Variants in C10orf105 observed in about 807,000 individuals in gnomAD.
The protein encoded by C10orf105 is uncharacterized protein C10orf105.
Under a neutral mutation model 0.6 loss-of-function variants are expected in C10orf105, and 2 were observed. That is an observed-to-expected ratio of 3.18 (90% CI 1.30 to 10.01). The LOEUF is 10.01. Among genes scored for constraint, C10orf105 ranks in the 30% most tolerant of loss-of-function variants. The pLI is 0.04. For synonymous variants in C10orf105, 95 were observed against 82.4 expected (o/e 1.15, Z -0.83); for missense variants, 209 against 191.4 (o/e 1.09, Z -0.54).
In C10orf105 at chr10:71,716,037, G is replaced by T; in HGVS notation, c.301C>A (p.His101Asn). The stretch of plus-strand genomic sequence containing the variant: ...GTGGGCCGGCCATGGCGGAAGCTGT[G>T]CAGGGAGAGGCGCAAGGAGCCCAGG... ...KRLGSLRLSL[H>N]SFRHGRPTVP... The change falls in exon 2 of 2, where the codon CAC becomes AAC. Residue 101 changes from histidine to asparagine, a missense_variant. His to Asn is a moderately conservative substitution (Grantham distance 68, BLOSUM62 1). Transcript: ENST00000441508. 3 of 1,507,988 alleles carry T rather than the reference G, an allele frequency of 2.0e-6. No homozygotes were observed. The highest frequency in any genetic ancestry group is 1.8e-6 in the Non-Finnish European group (2 of 1,125,958). The allele number at this position is 1,507,988 out of a possible 1,614,324, so 93.4% of individuals were successfully genotyped here.
At chr10:71,727,034 A>G (rs1866844179) in intron 1 of C10orf105, among the ~76,000 whole-genome samples, 2 of 152,208 alleles carry the variant, frequency 1.3e-5, no homozygotes, top group African/African-American at 4.8e-5. Context: ...TCAGCTACTT[A>G]CGTCCTGCCC....
intron 1 of C10orf105, among the ~76,000 whole-genome samples, chr10:71,735,574 G>T (rs1000651671): frequency 2.6e-5 from 4 of 152,186 alleles, no homozygotes; most frequent in Non-Finnish European, 2.9e-5. Context: ...ACCACCTGGG[G>T]CATCAGGCTC....
At position 71,732,574 on chromosome 10, in the gene C10orf105, A is replaced by C. The variant is rs186183707; in HGVS notation, c.-6+5154T>G. ...TTCAGCTCAGGAGTTTGGAGGCTGCAGTGAGCTGCGTTTGCACCACTGCAC... is the reference window on the plus strand; with the variant it reads ...TTCAGCTCAGGAGTTTGGAGGCTGCCGTGAGCTGCGTTTGCACCACTGCAC... On this transcript the variant is annotated intron_variant, in intron 1 of 1. Transcript: ENST00000398786. 736 of 1,318,448 alleles carry C rather than the reference A, an allele frequency of 5.6e-4. 5 individuals carry two copies. The African/African-American group carries it at 8.9e-3, about 16-fold the overall frequency. 81.7% of individuals were successfully genotyped at this position (1,318,448 alleles called of 1,614,324 possible).
intron 1 of C10orf105, among the ~76,000 whole-genome samples, chr10:71,732,900 G>A (rs1240144358): frequency 6.6e-6 from 1 of 152,170 alleles, no homozygotes; most frequent in Non-Finnish European, 1.5e-5. Context: ...TCTACCTGGA[G>A]TTAGCGTCAG....
intron 1 of C10orf105, among the ~76,000 whole-genome samples, chr10:71,718,937 G>C (rs1419716858): frequency 1.3e-5 from 2 of 152,078 alleles, no homozygotes; most frequent in African/African-American, 4.8e-5. Flanking sequence ...AATTAGCCAG[G>C]TGTGGTAGTA....
chr10:71,725,596 G>T, intron 1 of C10orf105: 1 of 1,504,530 alleles, frequency 6.6e-7, no homozygotes, highest in East Asian at 2.4e-5. Context: ...AAGGCCATTA[G>T]TTGGCGCCTG....
In C10orf105 at chr10:71,716,206, G is replaced by A. The variant is rs1368765703; in HGVS notation, c.132C>T (p.Cys44=). 3.9e-6 allele frequency: 6 copies of A among 1,551,180 alleles called. No homozygotes were observed. The South Asian group carries it at 7.1e-5, about 18-fold the overall frequency. The part of the protein sequence containing the change: ...DPLPMLIALA[C]IFLLLATCLL... The stretch of plus-strand genomic sequence containing the variant: ...GACAGGTGGCCAGCAGGAGGAAGAT[G>A]CAGGCCAGGGCGATGAGCATGGGGA... Residue 44 remains cysteine (C), a synonymous_variant, in exon 2 of 2, where the codon TGC becomes TGT. Coordinates refer to ENST00000441508, the MANE Select transcript of C10orf105 (RefSeq NM_001164375.3).
chr10:71,731,206 A>G (rs1195301810), intron 1 of C10orf105, among the ~76,000 whole-genome samples: 1 of 152,188 alleles, frequency 6.6e-6, no homozygotes. Flanking sequence ...CCTGTACCCC[A>G]GTCAGGGATA....
chr10:71,733,043 C>T (rs1839442294), intron 1 of C10orf105, among the ~76,000 whole-genome samples: 1 of 151,918 alleles, frequency 6.6e-6, no homozygotes, highest in South Asian at 2.1e-4. Context: ...ATCACAACCT[C>T]TAGGTTGTTT....
At chr10:71,720,401 C>T (rs1866498682), upstream of C10orf105, among the ~76,000 whole-genome samples, 1 of 149,202 alleles carries the variant, frequency 6.7e-6, no homozygotes, top group South Asian at 2.1e-4. Flanking sequence ...GGGAGACCTC[C>T]ACTGGAGGCT....
In C10orf105 at chr10:71,719,725, C is replaced by G. The variant is rs1288821201; in HGVS notation, c.-104G>C. 2 of 152,362 alleles carry G rather than the reference C, an allele frequency of 1.3e-5. No individual in the cohort carries two copies. The highest frequency in any genetic ancestry group is 3.9e-4 in the East Asian group (2 of 5,194). The allele number at this position is 152,362 out of a possible 1,614,324, so 9.4% of individuals were successfully genotyped here. A position where few individuals can be genotyped will look rare whatever the true frequency, so the allele number is the denominator to read the frequency against. On this transcript the variant is annotated 5_prime_UTR_variant, in exon 1 of 2. Coordinates refer to ENST00000441508, the MANE Select transcript of C10orf105 (RefSeq NM_001164375.3). ...CCCTGGGCAGTGCCTGTGACCCCAG[C>G]CCTGCCAGGCTCTGCTGTGCCCTGC...
intron 1 of C10orf105, among the ~76,000 whole-genome samples, chr10:71,737,513 T>C (rs978850432): frequency 6.6e-6 from 1 of 152,152 alleles, no homozygotes; most frequent in African/African-American, 2.4e-5. Context: ...AAGAATGACA[T>C]GGAATTTCCT....
upstream of C10orf105, among the ~76,000 whole-genome samples, chr10:71,721,941 A>G (rs956138754): frequency 1.3e-5 from 2 of 152,014 alleles, no homozygotes; most frequent in Non-Finnish European, 2.9e-5. Flanking sequence ...GTTCTTCCCA[A>G]CCTTCTCTGC....
intron 1 of C10orf105, chr10:71,732,191 T>G (rs1839413608): frequency 1.2e-6 from 2 of 1,613,946 alleles, no homozygotes; most frequent in Non-Finnish European, 1.7e-6. Flanking sequence ...CTCAACGAGC[T>G]GGACGAGGCC....
rs1389451294 is a variant in C10orf105, at chr10:71,715,057, G to A, written c.*879C>T. The A allele has an allele frequency of 6.6e-6, 1 of 152,294 alleles. No individual in the cohort carries two copies. Among genetic ancestry groups the A allele is most frequent in the East Asian group, 1.9e-4 (1 of 5,198 alleles). The allele number at this position is 152,294 out of a possible 1,614,324, so 9.4% of individuals were successfully genotyped here. ...GACTTGGGACCCCACAGCTGTCCTG[G>A]AGAGGTCCAGACCATCCCACCCTCG... On this transcript the variant is annotated 3_prime_UTR_variant, in exon 2 of 2. Transcript: ENST00000441508.
In C10orf105 at chr10:71,716,142, G is replaced by T; in HGVS notation, c.196C>A (p.Pro66Thr). ...CACTCGTGAGCCCTGCGGCGGCTCGGGTCCAGCGCGGCCGGCTTGCAGAGC... is the reference window on the plus strand; with the variant it reads ...CACTCGTGAGCCCTGCGGCGGCTCGTGTCCAGCGCGGCCGGCTTGCAGAGC... ...MTLCKPAALDPSRRRAHECMP... is the reference protein window; with the variant it reads ...MTLCKPAALDTSRRRAHECMP... The change falls in exon 2 of 2, where the codon CCG (proline) becomes ACG (threonine). Residue 66 changes from proline to threonine, a missense_variant. Coordinates refer to ENST00000441508, the MANE Select transcript of C10orf105 (RefSeq NM_001164375.3). 1 of 1,550,522 alleles carries T rather than the reference G, an allele frequency of 6.4e-7. No homozygotes were observed. The highest frequency in any genetic ancestry group is 8.7e-7 in the Non-Finnish European group (1 of 1,146,702).
In C10orf105 at chr10:71,714,961, G is replaced by A. The variant is rs1258028168; in HGVS notation, c.*975C>T. ...GGGATTCTGAGAAGCCCATCCTGGG[G>A]TGGGACTGCTTTGACGGGTCATCAG... is the stretch of plus-strand genomic sequence containing the variant. On this transcript the variant is annotated 3_prime_UTR_variant, in exon 2 of 2. Coordinates refer to ENST00000441508, the MANE Select transcript of C10orf105 (RefSeq NM_001164375.3). 2 of 152,286 alleles carry A rather than the reference G, an allele frequency of 1.3e-5. No homozygotes were observed. Among genetic ancestry groups the A allele is most frequent in the Non-Finnish European group, 2.9e-5 (2 of 68,076 alleles). 9.4% of individuals were successfully genotyped at this position (152,286 alleles called of 1,614,324 possible).
rs777200621 is a variant in C10orf105 at position 71,713,286 on chromosome 10, C to T, written c.*2650G>A. 1.8e-5 allele frequency: 14 copies of T among 779,310 alleles called. No individual in the cohort carries two copies. Among genetic ancestry groups the T allele is most frequent in the Non-Finnish European group, 3.4e-5 (14 of 417,906 alleles). The allele number at this position is 779,310 out of a possible 1,614,324, so 48.3% of individuals were successfully genotyped here. A position where few individuals can be genotyped will look rare whatever the true frequency, so the allele number is the denominator to read the frequency against. ...GCCCAGGGAGCAGGCGCAACAGCTC[C>T]AAGGCTCAGAGGGAGAGAAGGGAGG... On this transcript the variant is annotated 3_prime_UTR_variant, in exon 2 of 2. Transcript: ENST00000441508.
At chr10:71,734,626 C>T in intron 1 of C10orf105, 1 of 1,535,682 alleles carries the variant, frequency 6.5e-7, no homozygotes, top group Non-Finnish European at 8.8e-7. Flanking sequence ...TTTTCTCTCA[C>T]TCCCCTCCTG....
Sources: allele counts gnomAD v4.1 joint callset (sites outside exome capture counted in the v4.1 genomes callset), GRCh38; gene constraint gnomAD v4.1.1; transcripts MANE v1.5; gene names NCBI Gene and HGNC (gene_info 2026-07-23, HGNC 2026-07-21).